FRMD4B: variants seen among roughly 807,000 people sequenced by gnomAD.
The protein encoded by FRMD4B is FERM domain-containing protein 4B.
FRMD4B carries 74 observed loss-of-function variants against 141.5 expected under a neutral mutation model. The ratio of observed to expected loss-of-function variants is 0.52; its 90% confidence interval spans 0.43 to 0.63. The LOEUF (loss-of-function observed/expected upper bound fraction) is 0.63. Among genes scored for constraint, FRMD4B ranks in the 30% least tolerant of loss-of-function variants. FRMD4B has a pLI of 0.00. For synonymous variants in FRMD4B, 506 were observed against 467.9 expected (o/e 1.08, Z -1.05); for missense variants, 1,366 against 1,253.4 (o/e 1.09, Z -1.36).
intron 1 of FRMD4B, among the ~76,000 whole-genome samples, chr3:69,365,649 C>G (rs554072491): frequency 6.6e-6 from 1 of 151,980 alleles, no homozygotes; most frequent in Admixed American, 6.6e-5. Flanking sequence ...TACATGCGCA[C>G]TTCACCACGC....
chr3:69,532,170 C>T (rs780862056), intron 1 of FRMD4B, among the ~76,000 whole-genome samples: 16 of 152,160 alleles, frequency 1.1e-4, no homozygotes, highest in African/African-American at 7.2e-5. Flanking sequence ...TTAGTTCATT[C>T]GTGATGGCCC....
At position 69,181,501 on chromosome 3, in the gene FRMD4B, T is replaced by C. The variant is rs771392985; in HGVS notation, c.2249A>G (p.Tyr750Cys). The change falls in exon 21 of 23, where the codon TAT becomes TGT. Residue 750 changes from tyrosine (Y) to cysteine (C), a missense_variant. By Grantham distance (194) the Tyr-to-Cys change is radical. Coordinates refer to ENST00000398540, the MANE Select transcript of FRMD4B (RefSeq NM_015123.3). ...YYCVTPVTGP[Y>C]YTTQTLDTRT... is the part of the protein sequence containing the mutation. Reference sequence around the variant, plus strand: ...AGTGTCCAGGGTCTGGGTGGTGTAATAGGGGCCGGTAACTGGTGTCACACA... The same window carrying C: ...AGTGTCCAGGGTCTGGGTGGTGTAACAGGGGCCGGTAACTGGTGTCACACA... 9 of 1,613,752 alleles carry C rather than the reference T, an allele frequency of 5.6e-6. No homozygotes were observed. The highest frequency in any genetic ancestry group is 6.8e-6 in the Non-Finnish European group (8 of 1,179,808).
intron 1 of FRMD4B, among the ~76,000 whole-genome samples, chr3:69,374,913 G>A (rs180710322): frequency 1.4e-4 from 22 of 152,234 alleles, no homozygotes; most frequent in Non-Finnish European, 7.4e-5. Flanking sequence ...AAGAAATTAC[G>A]TGCATAAGAA....
At chr3:69,356,228 A>G (rs1174255602) in intron 1 of FRMD4B, among the ~76,000 whole-genome samples, 1 of 152,186 alleles carries the variant, frequency 6.6e-6, no homozygotes, top group African/African-American at 2.4e-5. Flanking sequence ...GATGCCAAGT[A>G]TTGATCCTGG....
At chr3:69,421,885 T>C (rs1346531396) in intron 2 of FRMD4B, among the ~76,000 whole-genome samples, 1 of 152,224 alleles carries the variant, frequency 6.6e-6, no homozygotes, top group African/African-American at 2.4e-5. Flanking sequence ...GGTTACTTTC[T>C]TAATTGATAG....
chr3:69,507,456 T>C (rs1706615371), intron 1 of FRMD4B, among the ~76,000 whole-genome samples: 1 of 152,200 alleles, frequency 6.6e-6, no homozygotes, highest in South Asian at 2.1e-4. Flanking sequence ...TATTTTTACT[T>C]AATAGATGTT....
intron 1 of FRMD4B, among the ~76,000 whole-genome samples, chr3:69,444,891 C>T (rs528577645): frequency 6.6e-6 from 1 of 152,260 alleles, no homozygotes; most frequent in South Asian, 2.1e-4. Flanking sequence ...GCCCAAGGAT[C>T]CAATTTCAGC....
chr3:69,461,080 T>C (rs1054802116), intron 1 of FRMD4B, among the ~76,000 whole-genome samples: 15 of 152,236 alleles, frequency 9.9e-5, no homozygotes, highest in Non-Finnish European at 1.3e-4. Context: ...CAGGAAAAGT[T>C]TGAATAGTTC....
intron 1 of FRMD4B, among the ~76,000 whole-genome samples, chr3:69,528,216 G>C (rs910968769): frequency 3.3e-5 from 5 of 151,940 alleles, no homozygotes; most frequent in African/African-American, 9.7e-5. Flanking sequence ...GGACTATGAC[G>C]ACTATGGGTT....
Position 69,455,322 on chromosome 3 carries a change from T to C in FRMD4B, c.-128-22561A>G, listed in dbSNP as rs147090094. Reference sequence around the variant, plus strand: ...GTGGGAGGTTTGTTCTTTCACTCTTTGCAATAAATTTTTGCAGTTGCTTGT... The same window carrying C: ...GTGGGAGGTTTGTTCTTTCACTCTTCGCAATAAATTTTTGCAGTTGCTTGT... On this transcript the variant is annotated intron_variant, in intron 1 of 5. Transcript: ENST00000459638. Among the ~76,000 whole-genome samples, 60 of 152,350 alleles carry C rather than the reference T, an allele frequency of 3.9e-4. 1 individual carries two copies. In the East Asian group the frequency reaches 9.3e-3, roughly 24 times the overall value.
At chr3:69,336,112 T>C (rs1341261898) in intron 1 of FRMD4B, among the ~76,000 whole-genome samples, 1 of 148,568 alleles carries the variant, frequency 6.7e-6, no homozygotes, top group Non-Finnish European at 1.5e-5. Context: ...CCTTGGGGGG[T>C]GAAGTCACCC....
At chr3:69,220,355 C>G in intron 9 of FRMD4B, among the ~76,000 whole-genome samples, 1 of 152,138 alleles carries the variant, frequency 6.6e-6, no homozygotes, top group African/African-American at 2.4e-5. Context: ...ATCCTATGGG[C>G]CCACCATTGT....
intron 20 of FRMD4B, among the ~76,000 whole-genome samples, chr3:69,182,045 C>A (rs561729822): frequency 7.2e-5 from 11 of 152,164 alleles, no homozygotes; most frequent in Admixed American, 4.6e-4. Flanking sequence ...AAAAACCCAA[C>A]GTGTCTTTGG....
intron 1 of FRMD4B, among the ~76,000 whole-genome samples, chr3:69,461,623 C>CAAAAAAAAAAAAAAAAA (rs58143332): frequency 2.3e-5 from 1 of 43,462 alleles, no homozygotes; most frequent in Non-Finnish European, 4.0e-5. Context: ...GACTCTGTCT[C>CAAAAAAAAAAAAAAAAA]AAAAAAAAAA....
At chr3:69,187,720 A>C (rs549489752) in intron 19 of FRMD4B, 50 bp downstream of exon 19, 2 of 1,550,898 alleles carry the variant, frequency 1.3e-6, no homozygotes, top group Non-Finnish European at 1.7e-6. Context: ...TTTGGAGGAA[A>C]AATTTCCTAG....
At chr3:69,269,782 G>A (rs956737611) in intron 5 of FRMD4B, among the ~76,000 whole-genome samples, 1 of 151,954 alleles carries the variant, frequency 6.6e-6, no homozygotes, top group Non-Finnish European at 1.5e-5. Flanking sequence ...ATCACACCTG[G>A]CTAATTTTTG....
chr3:69,354,713 C>T (rs947324877), intron 1 of FRMD4B, among the ~76,000 whole-genome samples: 1 of 152,094 alleles, frequency 6.6e-6, no homozygotes, highest in African/African-American at 2.4e-5. Flanking sequence ...CCTTTACCCC[C>T]ACAAAATGTT....
At position 69,304,377 on chromosome 3, in the gene FRMD4B, G is replaced by A. The variant is rs573218503; in HGVS notation, c.324-1942C>T. On this transcript the variant is annotated intron_variant, in intron 3 of 22. Transcript: ENST00000398540. Reference sequence around the variant, plus strand: ...CGGGTGCCTCTAATCCCAGCTACTTGGGAGGCTGAGGCAGGAGAATCACTT... The same window carrying A: ...CGGGTGCCTCTAATCCCAGCTACTTAGGAGGCTGAGGCAGGAGAATCACTT... 2.0e-5 allele frequency among the ~76,000 whole-genome samples: 3 copies of A among 151,556 alleles called. No homozygotes were observed. The South Asian group carries it at 6.3e-4, about 32-fold the overall frequency.
Position 69,299,233 on chromosome 3 carries a change from A to T in FRMD4B, c.416+3110T>A, listed in dbSNP as rs149133168. ...CCAGGAATTTTCTCAGCATTTACAG[A>T]TCTATATAGGTTTATAAAACATACC... is the stretch of plus-strand genomic sequence containing the variant. On this transcript the variant is annotated intron_variant, in intron 4 of 22. Coordinates refer to ENST00000398540, the MANE Select transcript of FRMD4B (RefSeq NM_015123.3). Among the ~76,000 whole-genome samples the T allele has an allele frequency of 2.4e-3, 367 of 152,268 alleles. 1 individual carries two copies. The highest frequency in any genetic ancestry group is 7.9e-3 in the African/African-American group (330 of 41,544).
Sources: gnomAD v4.1 joint callset for allele counts (sites outside exome capture counted in the v4.1 genomes callset) on GRCh38, gnomAD v4.1.1 for gene constraint, MANE v1.5 for transcripts, NCBI Gene and HGNC (gene_info 2026-07-23, HGNC 2026-07-21) for gene names.